The following EYS variants were observed in gnomAD, a reference collection of about 807,000 sequenced individuals.
The protein encoded by EYS is protein eyes shut homolog.
A neutral mutation model predicts 282.1 loss-of-function variants in EYS; 250 were observed. That is an observed-to-expected ratio of 0.89 (90% confidence interval 0.80 to 0.98). The LOEUF is 0.98. Ranked by LOEUF, EYS falls within the 50% of genes least tolerant of loss-of-function variation. The pLI, the probability that EYS is intolerant of heterozygous loss-of-function variation, is 0.00. For missense variants in EYS, 4,016 were observed against 3,709.0 expected (o/e 1.08, Z -2.15); for synonymous variants, 1,355 against 1,282.9 (o/e 1.06, Z -1.20).
intron 2 of EYS, among the ~76,000 whole-genome samples, chr6:65,564,116 TGA>T (rs1246518288): frequency 6.6e-6 from 1 of 151,800 alleles, no homozygotes; most frequent in Non-Finnish European, 1.5e-5. Flanking sequence ...CTCAAGGAAA[TGA>T]GAGAGGACAC....
chr6:63,836,600 A>G (rs1210284239), intron 36 of EYS, among the ~76,000 whole-genome samples: 4 of 151,960 alleles, frequency 2.6e-5, no homozygotes, highest in African/African-American at 9.7e-5. Flanking sequence ...AATATCAAAT[A>G]TATCTATGTA....
At chr6:65,222,584 C>T (rs1295571623) in intron 12 of EYS, among the ~76,000 whole-genome samples, 2 of 152,076 alleles carry the variant, frequency 1.3e-5, no homozygotes, top group African/African-American at 4.8e-5. Flanking sequence ...CAGATTAATA[C>T]AAAAGAACAC....
At chr6:65,251,888 T>G (rs1054083337) in intron 12 of EYS, among the ~76,000 whole-genome samples, 1 of 151,864 alleles carries the variant, frequency 6.6e-6, no homozygotes, top group Admixed American at 6.6e-5. Flanking sequence ...TTTTTTGTTG[T>G]TTTTGTTTTT....
At chr6:65,254,812 A>G (rs1190904411) in intron 12 of EYS, among the ~76,000 whole-genome samples, 1 of 151,922 alleles carries the variant, frequency 6.6e-6, no homozygotes, top group East Asian at 1.9e-4. Flanking sequence ...ACACAAAAGG[A>G]AACAGCACAT....
chr6:63,729,569 C>A (rs925044232), intron 41 of EYS, among the ~76,000 whole-genome samples: 1 of 150,810 alleles, frequency 6.6e-6, no homozygotes, highest in Non-Finnish European at 1.5e-5. Context: ...CTTCTAGCAT[C>A]ATTTGTCGAA....
rs1773724746 is a variant in EYS, at chr6:64,125,154, G to GCGCGCGCGC, written c.6425-43153_6425-43152insGCGCGCGCG. Among the ~76,000 whole-genome samples the GCGCGCGCGC allele has an allele frequency of 8.2e-4, 119 of 145,320 alleles. 2 individuals are homozygous for GCGCGCGCGC. The highest frequency in any genetic ancestry group is 7.2e-3 in the Middle Eastern group (2 of 278). ...TCAAACACACACACACACACTCTCT[G>GCGCGCGCGC]TCTCTCTCTCTCTCTCTCTCTCGCT... On this transcript the variant is annotated intron_variant, in intron 31 of 42. Transcript: ENST00000503581.
intron 29 of EYS, among the ~76,000 whole-genome samples, chr6:64,330,110 G>A (rs1474636209): frequency 6.6e-6 from 1 of 152,146 alleles, no homozygotes; most frequent in Non-Finnish European, 1.5e-5. Flanking sequence ...TTTATTGTTA[G>A]CTGCACCCAC....
At chr6:65,041,404 G>T (rs560210569) in intron 13 of EYS, among the ~76,000 whole-genome samples, 1 of 151,652 alleles carries the variant, frequency 6.6e-6, no homozygotes, top group South Asian at 2.1e-4. Context: ...TACCTGAGGG[G>T]TCTACATTCC....
At chr6:65,278,904 T>C (rs1398203535) in intron 12 of EYS, among the ~76,000 whole-genome samples, 1 of 152,114 alleles carries the variant, frequency 6.6e-6, no homozygotes, top group Non-Finnish European at 1.5e-5. Flanking sequence ...ATATGATACC[T>C]GTGGCCCAGC....
intron 22 of EYS, among the ~76,000 whole-genome samples, chr6:64,632,290 T>A (rs1003999408): frequency 1.8e-5 from 2 of 109,678 alleles, no homozygotes; most frequent in African/African-American, 6.3e-5. Flanking sequence ...TACATATAAC[T>A]TATTTTCTTA....
At chr6:63,978,087 A>AG (rs1562128601) in intron 35 of EYS, among the ~76,000 whole-genome samples, 2 of 152,018 alleles carry the variant, frequency 1.3e-5, no homozygotes, top group African/African-American at 4.8e-5. Context: ...AGACCAACAG[A>AG]GTATGTACAC....
intron 5 of EYS, among the ~76,000 whole-genome samples, chr6:65,415,930 A>G (rs1426066954): frequency 6.6e-6 from 1 of 152,060 alleles, no homozygotes; most frequent in Non-Finnish European, 1.5e-5. Context: ...TGTATATTTT[A>G]CTGCAAACAA....
intron 5 of EYS, among the ~76,000 whole-genome samples, chr6:65,464,997 T>G (rs1764948940): frequency 6.6e-6 from 1 of 152,190 alleles, no homozygotes; most frequent in African/African-American, 2.4e-5. Context: ...GCAATATTTA[T>G]AGATAGTTCT....
At chr6:64,038,907 A>C (rs6909613) in intron 33 of EYS, among the ~76,000 whole-genome samples, 65,346 of 151,542 alleles carry the variant, frequency 0.43, 15,432 homozygotes, top group African/African-American at 0.64. Flanking sequence ...TAGGTTCAAG[A>C]GATTCTTCAG....
chr6:64,184,366 G>A (rs764154941), intron 31 of EYS, among the ~76,000 whole-genome samples: 1 of 152,096 alleles, frequency 6.6e-6, no homozygotes, highest in Non-Finnish European at 1.5e-5. Flanking sequence ...ATAATAAAAT[G>A]TTATCATTTT....
chr6:64,419,354 G>A (rs1774155170), intron 28 of EYS, among the ~76,000 whole-genome samples: 1 of 152,082 alleles, frequency 6.6e-6, no homozygotes, highest in Non-Finnish European at 1.5e-5. Flanking sequence ...TTTGGGTGAG[G>A]ACACAGCCAA....
At chr6:64,972,352 A>C (rs1272945341) in intron 14 of EYS, among the ~76,000 whole-genome samples, 1 of 152,154 alleles carries the variant, frequency 6.6e-6, no homozygotes, top group Non-Finnish European at 1.5e-5. Flanking sequence ...TTCCTATAGA[A>C]ATGAAAAAGA....
intron 22 of EYS, among the ~76,000 whole-genome samples, chr6:64,693,426 TG>T (rs1338668033): frequency 2.6e-5 from 4 of 152,138 alleles, no homozygotes; most frequent in African/African-American, 9.7e-5. Context: ...AATGAGCTAT[TG>T]TGATAAAGGT....
chr6:64,830,029 G>A (rs9354161), intron 19 of EYS, among the ~76,000 whole-genome samples: 23,162 of 151,808 alleles, frequency 0.15, 2,016 homozygotes, highest in East Asian at 0.44. Context: ...TGAAATGTTT[G>A]TGTTCCCCGC....
Sources: allele counts gnomAD v4.1 joint callset (sites outside exome capture counted in the v4.1 genomes callset), GRCh38; gene constraint gnomAD v4.1.1; transcripts MANE v1.5; gene names NCBI Gene and HGNC (gene_info 2026-07-23, HGNC 2026-07-21).